Variants in MLXIPL observed in about 807,000 individuals in gnomAD.
MLXIPL encodes MLX interacting protein like.
Under a neutral mutation model 81.5 loss-of-function variants are expected in MLXIPL, and 49 were observed. That is an observed-to-expected ratio of 0.60 (90% CI 0.48 to 0.76). The LOEUF (loss-of-function observed/expected upper bound fraction) is 0.76, where lower values mean the gene tolerates loss of function less well. MLXIPL is among the 30% of genes least tolerant of loss of function. The pLI is 0.00. For missense variants in MLXIPL, 1,053 were observed against 1,167.0 expected, an observed-to-expected ratio of 0.90 and a Z score of 1.42; for synonymous variants, 466 against 485.5, an observed-to-expected ratio of 0.96 and a Z score of 0.53.
intron 5 of MLXIPL, chr7:73,606,403 T>G (rs799156): frequency 0.011 from 5,706 of 503,758 alleles, 77 homozygotes; most frequent in African/African-American, 0.046. Flanking sequence ...TGGTTTTTTT[T>G]TTTGTTTGTT....
At chr7:73,643,945 T>G in the MLXIPL span, among the ~76,000 whole-genome samples, 1,909 of 151,926 alleles carry the variant, frequency 0.013, 30 homozygotes, top group African/African-American at 0.043. Flanking sequence ...TTTTAAAAAT[T>G]TTTATATAGA....
chr7:73,619,460 CAA>C (rs1463451518), intron 1 of MLXIPL, among the ~76,000 whole-genome samples: 25 of 87,504 alleles, frequency 2.9e-4, no homozygotes, highest in Non-Finnish European at 3.4e-4. Flanking sequence ...GACTCCATCT[CAA>C]AAAAAAAAAA....
chr7:73,596,141 C>T lies in MLXIPL; in HGVS notation c.2058+12G>A. ...GTGGTTTTGGGGGTGCCAGCCTGGGCCCGGGGCTCACCTTGAGGCTGGGCT... is the reference window on the plus strand; with the variant it reads ...GTGGTTTTGGGGGTGCCAGCCTGGGTCCGGGGCTCACCTTGAGGCTGGGCT... On this transcript the variant is annotated intron_variant, in intron 13 of 16. Coordinates refer to ENST00000313375, the MANE Select transcript of MLXIPL (RefSeq NM_032951.3). The surrounding 1 kb of genome is among the most constrained non-coding windows in gnomAD (Gnocchi z 4.7). The T allele has an allele frequency of 1.2e-6, 2 of 1,611,284 alleles. No homozygotes were observed. Among genetic ancestry groups the T allele is most frequent in the Non-Finnish European group, 1.7e-6 (2 of 1,179,544 alleles).
upstream of MLXIPL, among the ~76,000 whole-genome samples, chr7:73,629,340 G>A (rs140595189): frequency 4.6e-5 from 7 of 151,902 alleles, no homozygotes; most frequent in South Asian, 4.2e-4. Flanking sequence ...GTGCCTGGCC[G>A]CACCACCCTT....
chr7:73,616,495 G>A (rs1258606304), intron 1 of MLXIPL, among the ~76,000 whole-genome samples: 1 of 152,168 alleles, frequency 6.6e-6, no homozygotes, highest in Admixed American at 6.6e-5. Flanking sequence ...TCACAGGTGT[G>A]TCTTGGAGGC....
intron 1 of MLXIPL, 67 bp downstream of exon 1, chr7:73,624,133 C>G (rs1796560651): frequency 6.7e-7 from 1 of 1,487,602 alleles, no homozygotes; most frequent in African/African-American, 1.4e-5. Context: ...GCGCGCAGTC[C>G]TGCCCCGGAC....
upstream of MLXIPL, chr7:73,624,609 C>G: frequency 7.2e-7 from 1 of 1,383,962 alleles, no homozygotes; most frequent in Non-Finnish European, 9.3e-7. Context: ...ATCGGGTGGG[C>G]GGGGCCTGGG....
At chr7:73,614,929 G>T (rs1463064369) in intron 2 of MLXIPL, among the ~76,000 whole-genome samples, 2 of 150,806 alleles carry the variant, frequency 1.3e-5, no homozygotes, top group Non-Finnish European at 2.9e-5. Context: ...TCCTGCCTCA[G>T]CCTGCCGAGT....
intron 1 of MLXIPL, among the ~76,000 whole-genome samples, chr7:73,621,930 C>T (rs1291610025): frequency 1.7e-5 from 2 of 118,924 alleles, no homozygotes; most frequent in African/African-American, 6.6e-5. Flanking sequence ...CTCCCTCTCT[C>T]CATCTCCCTC....
In MLXIPL at chr7:73,594,407, G is replaced by A. The variant is rs1554592972; in HGVS notation, c.2311-4C>T. On this transcript the variant is annotated splice_polypyrimidine_tract_variant and splice_region_variant and intron_variant, in intron 15 of 16. Transcript: ENST00000313375. ...GAGGCCGGATGAGGATGCTGAACTG[G>A]GCCCAGGTCAAGGAGCTGCCTGTGG... 6.2e-7 allele frequency: 1 copy of A among 1,601,380 alleles called. No homozygotes were observed. The highest frequency in any genetic ancestry group is 1.1e-5 in the South Asian group (1 of 91,070).
intron 1 of MLXIPL, among the ~76,000 whole-genome samples, chr7:73,619,450 G>A (rs1796194412): frequency 2.1e-5 from 3 of 145,364 alleles, no homozygotes; most frequent in East Asian, 2.0e-4. Flanking sequence ...GACAGAGAGC[G>A]ACTCCATCTC....
At chr7:73,628,768 A>C (rs942240675), upstream of MLXIPL, among the ~76,000 whole-genome samples, 1 of 152,252 alleles carries the variant, frequency 6.6e-6, no homozygotes, top group Non-Finnish European at 1.5e-5. Context: ...CTCTGTTACT[A>C]TAGCCAGCAG....
intron 1 of MLXIPL, among the ~76,000 whole-genome samples, chr7:73,619,460 CAAAAA>C (rs1463451518): frequency 1.1e-5 from 1 of 87,542 alleles, no homozygotes. Flanking sequence ...GACTCCATCT[CAAAAA>C]AAAAAAAAAA....
chr7:73,637,006 G>T, the MLXIPL span, among the ~76,000 whole-genome samples: 1 of 148,096 alleles, frequency 6.8e-6, no homozygotes, highest in Admixed American at 6.8e-5. Context: ...CTTGCAGTGA[G>T]CTGAGATGGT....
intron 7 of MLXIPL, among the ~76,000 whole-genome samples, chr7:73,603,579 A>G (rs1283855957): frequency 6.6e-6 from 1 of 152,142 alleles, no homozygotes; most frequent in Non-Finnish European, 1.5e-5. Context: ...CTTGATTGAC[A>G]GGCCCAGGAC....
chr7:73,595,604 C>T (rs1794211777), intron 15 of MLXIPL, 33 bp downstream of exon 15: 1 of 1,613,942 alleles, frequency 6.2e-7, no homozygotes, highest in Non-Finnish European at 8.5e-7. Context: ...ACAGCCCCTG[C>T]AGCCCCCCAG....
At chr7:73,624,540 G>T (rs942561905), upstream of MLXIPL, 6 of 1,490,420 alleles carry the variant, frequency 4.0e-6, no homozygotes, top group South Asian at 7.6e-5. Flanking sequence ...GCAGCGCGGG[G>T]AACAGCTCTT....
chr7:73,607,780 C>T, intron 2 of MLXIPL, 108 bp from the exon 3 acceptor site: 1 of 941,920 alleles, frequency 1.1e-6, no homozygotes, highest in South Asian at 1.5e-5. Context: ...TGGCCTTTGA[C>T]GTTCAGATTA....
intron 1 of MLXIPL, among the ~76,000 whole-genome samples, chr7:73,622,717 G>T (rs1554602570): frequency 6.6e-6 from 1 of 151,294 alleles, no homozygotes; most frequent in Non-Finnish European, 1.5e-5. Flanking sequence ...CTCTGACTGG[G>T]GTTACATCAG....
Sources: allele counts gnomAD v4.1 joint callset (sites outside exome capture counted in the v4.1 genomes callset), GRCh38; gene constraint gnomAD v4.1.1; non-coding constraint Gnocchi (gnomAD v3.1); transcripts MANE v1.5; gene names NCBI Gene and HGNC (gene_info 2026-07-23, HGNC 2026-07-21).